The following CACNA2D4 variants were observed in gnomAD, a reference collection of about 807,000 sequenced individuals.
The protein encoded by CACNA2D4 is calcium voltage-gated channel auxiliary subunit alpha2delta 4.
CACNA2D4 carries 157 observed loss-of-function variants against 163.8 expected under a neutral mutation model. The ratio of observed to expected loss-of-function variants is 0.96; its 90% CI spans 0.84 to 1.09. CACNA2D4 has a LOEUF of 1.09. Ranked by LOEUF, CACNA2D4 falls within the 50% of genes least tolerant of loss-of-function variation. CACNA2D4 has a pLI of 0.00. For synonymous variants in CACNA2D4, 598 were observed against 586.9 expected (o/e 1.02, Z -0.27); for missense variants, 1,410 against 1,479.9 (o/e 0.95, Z 0.78).
At chr12:1,819,172 C>A (rs59962311) in intron 26 of CACNA2D4, among the ~76,000 whole-genome samples, 17,657 of 151,996 alleles carry the variant, frequency 0.12, 1,253 homozygotes, top group Admixed American at 0.19. Flanking sequence ...GGAAGCCACC[C>A]ATGGGCAGGA....
chr12:1,916,701 G>T (rs1226535721), intron 1 of CACNA2D4, among the ~76,000 whole-genome samples: 1 of 152,218 alleles, frequency 6.6e-6, no homozygotes, highest in Non-Finnish European at 1.5e-5. Flanking sequence ...AAGCAACAGG[G>T]TCTGGGGTGA....
intron 25 of CACNA2D4, among the ~76,000 whole-genome samples, chr12:1,841,334 G>A (rs141158706): frequency 3.9e-5 from 6 of 152,316 alleles, no homozygotes; most frequent in Non-Finnish European, 5.9e-5. Flanking sequence ...CTGCACAACC[G>A]CTCTCCGGGT....
chr12:1,909,970 G>A lies in CACNA2D4; in HGVS notation c.427-5C>T, dbSNP rs774180744. 1 of 1,613,362 alleles carries A rather than the reference G, an allele frequency of 6.2e-7. No individual in the cohort carries two copies. The highest frequency in any genetic ancestry group is 8.5e-7 in the Non-Finnish European group (1 of 1,179,408). On this transcript the variant is annotated splice_region_variant and splice_polypyrimidine_tract_variant and intron_variant, in intron 3 of 37. Coordinates refer to ENST00000382722, the MANE Select transcript of CACNA2D4 (RefSeq NM_172364.5). ...CTCGGCAGCTTCCACCAGATTCTGA[G>A]GGATGGGAACACAGAGGTAGGGAGA...
chr12:1,865,439 C>T (rs986889382), intron 18 of CACNA2D4, among the ~76,000 whole-genome samples: 9 of 152,228 alleles, frequency 5.9e-5, no homozygotes, highest in Non-Finnish European at 8.8e-5. Context: ...CTGTCTTCCT[C>T]CAAAGCACAA....
intron 26 of CACNA2D4, among the ~76,000 whole-genome samples, chr12:1,818,128 C>A (rs1473337900): frequency 6.8e-6 from 1 of 146,930 alleles, no homozygotes; most frequent in Non-Finnish European, 1.5e-5. Flanking sequence ...CGTCTCTTCC[C>A]GGCCGCGACC....
At chr12:1,827,275 TG>T (rs35473074) in intron 26 of CACNA2D4, 70,133 of 151,962 alleles carry the variant, frequency 0.46, 16,555 homozygotes, top group East Asian at 0.66. Context: ...TGGGAGACAC[TG>T]GGGGGGGCAG....
chr12:1,810,777 G>A (rs1450985077), intron 27 of CACNA2D4, among the ~76,000 whole-genome samples, 190 bp from the exon 28 acceptor site: 2 of 152,258 alleles, frequency 1.3e-5, no homozygotes, highest in South Asian at 2.1e-4. Flanking sequence ...TGGAGAGCAC[G>A]TGTGTGAGGT....
chr12:1,826,458 C>A (rs570009671), intron 26 of CACNA2D4, among the ~76,000 whole-genome samples: 1 of 125,824 alleles, frequency 7.9e-6, no homozygotes, highest in East Asian at 2.9e-4. Flanking sequence ...GGCCTTGAGA[C>A]AGTGGTTAGA....
At position 1,834,906 on chromosome 12, in the gene CACNA2D4, T is replaced by C; in HGVS notation, c.2551+5833A>G. On this transcript the variant is annotated intron_variant, in intron 26 of 37. Transcript: ENST00000382722. The surrounding 1 kb of genome is among the most constrained non-coding windows in gnomAD (Gnocchi z 7.6). ...TTTCGAGGCTCCCTGAAAGCCACCGTGCTGGGGGCTCCTGCTGATGCTCCT... is the reference window on the plus strand; with the variant it reads ...TTTCGAGGCTCCCTGAAAGCCACCGCGCTGGGGGCTCCTGCTGATGCTCCT... The C allele has an allele frequency of 8.8e-7, 1 of 1,130,070 alleles. No individual in the cohort carries two copies. Among genetic ancestry groups the C allele is most frequent in the African/African-American group, 1.6e-5 (1 of 64,034 alleles). The allele number at this position is 1,130,070 out of a possible 1,614,324, so 70.0% of individuals were successfully genotyped here.
chr12:1,915,471 T>C (rs2887633), intron 1 of CACNA2D4, among the ~76,000 whole-genome samples: 14,389 of 152,210 alleles, frequency 0.095, 921 homozygotes, highest in Non-Finnish European at 0.14. Context: ...AAGGACAACC[T>C]GCCTGGCCAC....
At chr12:1,913,776 T>C (rs902187570) in intron 2 of CACNA2D4, among the ~76,000 whole-genome samples, 2 of 152,238 alleles carry the variant, frequency 1.3e-5, no homozygotes, top group African/African-American at 4.8e-5. Flanking sequence ...ATTGTGAATG[T>C]CTATTCACCC....
intron 26 of CACNA2D4, among the ~76,000 whole-genome samples, chr12:1,821,374 G>C (rs1393086090): frequency 6.6e-6 from 1 of 152,188 alleles, no homozygotes; most frequent in Admixed American, 6.5e-5. Context: ...CTTGGACAAG[G>C]GTGTGGAGGA....
intron 29 of CACNA2D4, among the ~76,000 whole-genome samples, chr12:1,804,697 G>A (rs1035293493): frequency 6.6e-6 from 1 of 152,226 alleles, no homozygotes; most frequent in African/African-American, 2.4e-5. Flanking sequence ...CAGAGCCGCT[G>A]GGAGGGACTT....
At chr12:1,858,543 C>T (rs1865451322) in intron 20 of CACNA2D4, 34 bp downstream of exon 20, 3 of 1,602,890 alleles carry the variant, frequency 1.9e-6, no homozygotes, top group Non-Finnish European at 2.6e-6. Flanking sequence ...TTATTTTCTG[C>T]TTAACTGTCC....
chr12:1,918,039 C>G (rs1434986463), intron 1 of CACNA2D4: 2 of 544,084 alleles, frequency 3.7e-6, no homozygotes, highest in Non-Finnish European at 3.2e-6. Context: ...GGTGGGACTC[C>G]AGAACTCACA....
chr12:1,905,788 A>G (rs866186619), intron 6 of CACNA2D4, among the ~76,000 whole-genome samples: 7 of 152,180 alleles, frequency 4.6e-5, no homozygotes, highest in African/African-American at 1.7e-4. Context: ...TGGTCTACTG[A>G]TTCATTGCAA....
intron 26 of CACNA2D4, among the ~76,000 whole-genome samples, chr12:1,825,581 C>G (rs926040712): frequency 1.3e-5 from 2 of 152,212 alleles, no homozygotes; most frequent in African/African-American, 4.8e-5. Flanking sequence ...TGCTGGAGTG[C>G]TGCCAGCCAG....
chr12:1,811,523 G>A, intron 27 of CACNA2D4, 139 bp downstream of exon 27: 1 of 852,520 alleles, frequency 1.2e-6, no homozygotes, highest in Non-Finnish European at 1.9e-6. Flanking sequence ...GGGAGCTGAG[G>A]GGCTGAGAAG....
rs776592012 is a variant in CACNA2D4 at position 1,854,034 on chromosome 12, C to G, written c.2163G>C (p.Glu721Asp). Residue 721 changes from glutamate to aspartate, a missense_variant, in exon 23 of 38, where the codon GAG becomes GAC. Coordinates refer to ENST00000382722, the MANE Select transcript of CACNA2D4 (RefSeq NM_172364.5). ...RKDPDLECDE[E>D]LVREVLFDAV... The stretch of plus-strand genomic sequence containing the variant: ...CGTCAAACAGCACCTCCCGGACCAG[C>G]TCCTCGTCACCTGGGTGCAAAACAT... 8 of 1,609,710 alleles carry G rather than the reference C, an allele frequency of 5.0e-6. No homozygotes were observed. The Admixed American group carries it at 8.4e-5, about 17-fold the overall frequency.
Sources: allele counts gnomAD v4.1 joint callset (sites outside exome capture counted in the v4.1 genomes callset), GRCh38; gene constraint gnomAD v4.1.1; non-coding constraint Gnocchi (gnomAD v3.1); transcripts MANE v1.5; gene names NCBI Gene and HGNC (gene_info 2026-07-23, HGNC 2026-07-21).